The following ZNF215 variants were observed in gnomAD, a reference collection of about 807,000 sequenced individuals.
ZNF215 encodes the protein zinc finger protein 215.
Under a neutral mutation model 27.2 loss-of-function variants are expected in ZNF215, and 24 were observed. The observed-to-expected ratio is 0.88, with a 90% CI of 0.64 to 1.24. The LOEUF (loss-of-function observed/expected upper bound fraction) is 1.24, where lower values mean the gene tolerates loss of function less well. Among genes scored for constraint, ZNF215 ranks in the 50% most tolerant of loss-of-function variants. The pLI is 0.00. For missense variants in ZNF215, 675 were observed against 605.7 expected, an observed-to-expected ratio of 1.11 and a Z score of -1.20; for synonymous variants, 210 against 204.0, an observed-to-expected ratio of 1.03 and a Z score of -0.25.
chr11:6,945,143 C>T (rs912854806), intron 6 of ZNF215, among the ~76,000 whole-genome samples: 2 of 152,114 alleles, frequency 1.3e-5, no homozygotes, highest in African/African-American at 4.8e-5. Flanking sequence ...TTATCATCAT[C>T]CTAGCAAACA....
intron 3 of ZNF215, among the ~76,000 whole-genome samples, chr11:6,939,540 A>T (rs532037711): frequency 6.6e-6 from 1 of 152,198 alleles, no homozygotes; most frequent in African/African-American, 2.4e-5. Flanking sequence ...GAAGGGAGGT[A>T]CAAGTAGATC....
In ZNF215 at chr11:6,955,712, A is replaced by G; in HGVS notation, c.735A>G (p.Glu245=). The G allele has an allele frequency of 6.4e-7, 1 of 1,560,538 alleles. No individual in the cohort carries two copies. The highest frequency in any genetic ancestry group is 1.4e-5 in the African/African-American group (1 of 72,422). Residue 245 remains glutamate, a synonymous_variant, in exon 7 of 7, where the codon GAA becomes GAG. Coordinates refer to ENST00000278319, the MANE Select transcript of ZNF215 (RefSeq NM_013250.4). ...TIFDMKSISG[E]ESSHGVIMTR... is the part of the protein sequence containing the mutation. ...TAGACATGAAGAGTATTTCTGGAGA[A>G]GAATCATCCCATGGAGTGATTATGA...
intron 5 of ZNF215, among the ~76,000 whole-genome samples, chr11:6,980,305 T>C (rs1438520849): frequency 6.6e-6 from 1 of 152,122 alleles, no homozygotes; most frequent in African/African-American, 2.4e-5. Flanking sequence ...TATGTCATTT[T>C]AGAACAGGTT....
intron 6 of ZNF215, among the ~76,000 whole-genome samples, chr11:6,951,051 A>G (rs1360785675): frequency 3.3e-5 from 5 of 152,036 alleles, no homozygotes; most frequent in Admixed American, 6.6e-5. Context: ...ATTTGCGTAT[A>G]TTGAACCAGC....
chr11:6,990,305 A>G (rs1399586928), downstream of ZNF215, among the ~76,000 whole-genome samples: 1 of 152,178 alleles, frequency 6.6e-6, no homozygotes, highest in African/African-American at 2.4e-5. Context: ...AACAATGGTG[A>G]AGGGAAATCT....
At chr11:6,970,784 C>T (rs1850704052) in intron 5 of ZNF215, among the ~76,000 whole-genome samples, 1 of 152,190 alleles carries the variant, frequency 6.6e-6, no homozygotes, top group African/African-American at 2.4e-5. Flanking sequence ...ACAACATATG[C>T]TCTGCTTCTT....
At chr11:6,971,549 A>T (rs931771607) in intron 5 of ZNF215, among the ~76,000 whole-genome samples, 1 of 152,212 alleles carries the variant, frequency 6.6e-6, no homozygotes, top group African/African-American at 2.4e-5. Flanking sequence ...ATAAATGCCT[A>T]TCATAGAGAA....
At chr11:6,960,676 C>T (rs1428512857), downstream of ZNF215, among the ~76,000 whole-genome samples, 1 of 152,022 alleles carries the variant, frequency 6.6e-6, no homozygotes, top group Non-Finnish European at 1.5e-5. Context: ...CCATAGATTG[C>T]CCTGGATCGA....
At chr11:6,958,090 C>T (rs1850437522), downstream of ZNF215, 1 of 976,966 alleles carries the variant, frequency 1.0e-6, no homozygotes, top group South Asian at 4.7e-5. Context: ...TTTATTAGGA[C>T]AAAGCCCTAC....
chr11:6,935,728 C>T (rs543037551), intron 3 of ZNF215, among the ~76,000 whole-genome samples: 34 of 152,090 alleles, frequency 2.2e-4, no homozygotes, highest in Non-Finnish European at 4.1e-4. Flanking sequence ...ATATACAGAG[C>T]GTTCTACCCA....
At chr11:6,981,784 T>G (rs1448304262) in intron 5 of ZNF215, among the ~76,000 whole-genome samples, 1 of 152,108 alleles carries the variant, frequency 6.6e-6, no homozygotes, top group Non-Finnish European at 1.5e-5. Context: ...TTAATTTTTG[T>G]ATAAGGTGTA....
downstream of ZNF215, among the ~76,000 whole-genome samples, chr11:6,959,038 G>A (rs1850461158): frequency 6.6e-6 from 1 of 152,078 alleles, no homozygotes; most frequent in African/African-American, 2.4e-5. Flanking sequence ...AGTCACACTC[G>A]GGAACAATAC....
chr11:6,929,149 C>G (rs1849166316), intron 2 of ZNF215, among the ~76,000 whole-genome samples: 1 of 152,174 alleles, frequency 6.6e-6, no homozygotes, highest in Admixed American at 6.5e-5. Context: ...TAGATGGGAT[C>G]TTTCAAGCCA....
Position 6,956,469 on chromosome 11 carries a change from G to A in ZNF215, c.1492G>A (p.Ala498Thr). 1 of 1,613,506 alleles carries A rather than the reference G, an allele frequency of 6.2e-7. No homozygotes were observed. Among genetic ancestry groups the A allele is most frequent in the Non-Finnish European group, 8.5e-7 (1 of 1,179,880 alleles). ...ATTCAAATGTAAGGAATGTAGTAAA[G>A]CCTTCAACAGGAGTTCAAACCTTGT... ...KPFKCKECSK[A>T]FNRSSNLVKH... Residue 498 changes from alanine to threonine, a missense_variant, in exon 7 of 7, where the codon GCC (alanine) becomes ACC (threonine). By Grantham distance (58) the Ala-to-Thr change is moderately conservative (BLOSUM62 0). Transcript: ENST00000278319.
At chr11:6,932,810 T>G (rs1849312114) in intron 3 of ZNF215, 138 bp downstream of exon 3, 1 of 781,536 alleles carries the variant, frequency 1.3e-6, no homozygotes, top group African/African-American at 1.7e-5. Flanking sequence ...GCCTTGACTT[T>G]ATTCTGTAGG....
At chr11:6,967,329 G>A (rs147180735) in intron 5 of ZNF215, among the ~76,000 whole-genome samples, 22 of 152,224 alleles carry the variant, frequency 1.4e-4, no homozygotes, top group African/African-American at 4.8e-4. Flanking sequence ...CCCAGTAATG[G>A]GATTGCTGGT....
intron 3 of ZNF215, among the ~76,000 whole-genome samples, chr11:6,937,596 T>C (rs1188838955): frequency 6.6e-6 from 1 of 151,236 alleles, no homozygotes; most frequent in African/African-American, 2.4e-5. Flanking sequence ...AAGAAGATAG[T>C]TTTAGAATGT....
intron 5 of ZNF215, among the ~76,000 whole-genome samples, chr11:6,965,406 T>G (rs1850599210): frequency 6.6e-6 from 1 of 152,132 alleles, no homozygotes. Flanking sequence ...GAGAAACATG[T>G]TTTTAGTGTA....
At chr11:6,936,814 G>A (rs1447915281) in intron 3 of ZNF215, among the ~76,000 whole-genome samples, 1 of 151,138 alleles carries the variant, frequency 6.6e-6, no homozygotes, top group African/African-American at 2.4e-5. Flanking sequence ...TTAATACAGT[G>A]AAAGGGGAAA....
Sources: allele counts gnomAD v4.1 joint callset (sites outside exome capture counted in the v4.1 genomes callset), GRCh38; gene constraint gnomAD v4.1.1; transcripts MANE v1.5; gene names NCBI Gene and HGNC (gene_info 2026-07-23, HGNC 2026-07-21).